Variants in TECRL observed in about 807,000 individuals in gnomAD.
TECRL encodes the protein trans-2,3-enoyl-CoA reductase-like.
In TECRL, 63 loss-of-function variants were observed where a neutral mutation model predicts 52.8. The observed-to-expected ratio is 1.19, with a 90% CI of 0.97 to 1.47. The LOEUF is 1.47. Among genes scored for constraint, TECRL ranks in the 40% most tolerant of loss-of-function variants. TECRL has a pLI of 0.00. For missense variants in TECRL, 482 were observed against 429.6 expected, an observed-to-expected ratio of 1.12 and a Z score of -1.08; for synonymous variants, 164 against 141.9, an observed-to-expected ratio of 1.16 and a Z score of -1.10.
At chr4:64,354,866 T>A (rs1401442920) in intron 2 of TECRL, among the ~76,000 whole-genome samples, 2 of 152,192 alleles carry the variant, frequency 1.3e-5, no homozygotes, top group Non-Finnish European at 2.9e-5. Flanking sequence ...CAACTGGCTT[T>A]GTTCAGAGTT....
intron 1 of TECRL, among the ~76,000 whole-genome samples, chr4:64,385,251 C>T (rs149766818): frequency 6.3e-4 from 96 of 152,222 alleles, no homozygotes; most frequent in African/African-American, 2.2e-3. Context: ...GCATGTTTGG[C>T]CACTTGTGGA....
intron 6 of TECRL, among the ~76,000 whole-genome samples, chr4:64,306,683 C>T (rs1724358710): frequency 6.6e-6 from 1 of 152,112 alleles, no homozygotes; most frequent in Non-Finnish European, 1.5e-5. Context: ...TCAAGGAGAC[C>T]CACTGGCACT....
chr4:64,326,689 C>T (rs1270047257), intron 3 of TECRL, among the ~76,000 whole-genome samples: 1 of 152,134 alleles, frequency 6.6e-6, no homozygotes, highest in East Asian at 1.9e-4. Context: ...CAGCAGCTCA[C>T]TGCAGCTGCA....
chr4:64,278,461 C>G lies in TECRL; in HGVS notation c.*1611G>C. 4.0e-6 allele frequency: 1 copy of G among 247,630 alleles called. No homozygotes were observed. Among genetic ancestry groups the G allele is most frequent in the Non-Finnish European group, 6.4e-6 (1 of 155,844 alleles). The allele number at this position is 247,630 out of a possible 1,614,324, so 15.3% of individuals were successfully genotyped here. ...AAATATTTACTTTAAAAATCAGATA[C>G]TTTTTAAATTAAATTTTATTTTTTG... On this transcript the variant is annotated 3_prime_UTR_variant, in exon 12 of 12. Transcript: ENST00000381210.
intron 2 of TECRL, among the ~76,000 whole-genome samples, chr4:64,343,625 C>T (rs1719738900): frequency 6.6e-6 from 1 of 151,876 alleles, no homozygotes; most frequent in Non-Finnish European, 1.5e-5. Context: ...ACATTCTTTC[C>T]AGGCAAATTT....
rs780132079 is a variant in TECRL, at chr4:64,322,727, A to G, written c.397T>C (p.Tyr133His). Reference sequence around the variant, plus strand: ...ACTTGTTGACCTAGGTCTGTAGCATACAGTGTGACAATGGAGGAAGCTGCA... The same window carrying G: ...ACTTGTTGACCTAGGTCTGTAGCATGCAGTGTGACAATGGAGGAAGCTGCA... ...SIAASSIVTL[Y>H]ATDLGQQVSW... Residue 133 changes from tyrosine to histidine, a missense_variant, in exon 4 of 12, where the codon TAT becomes CAT. Physicochemically the swap from Tyr to His is moderately conservative, Grantham distance 83. Coordinates refer to ENST00000381210, the MANE Select transcript of TECRL (RefSeq NM_001010874.5). 1.9e-6 allele frequency: 3 copies of G among 1,612,490 alleles called. No individual in the cohort carries two copies. The highest frequency in any genetic ancestry group is 1.1e-5 in the South Asian group (1 of 90,892).
intron 1 of TECRL, among the ~76,000 whole-genome samples, chr4:64,406,548 A>AT (rs1724741155): frequency 1.3e-5 from 2 of 151,942 alleles, no homozygotes. Flanking sequence ...AATAATAATA[A>AT]TTTTGTCCAT....
chr4:64,315,180 C>A (rs969216666), intron 4 of TECRL, among the ~76,000 whole-genome samples: 4 of 151,824 alleles, frequency 2.6e-5, no homozygotes, highest in Non-Finnish European at 4.4e-5. Flanking sequence ...TCTTCCCTAC[C>A]CTACCCTCCA....
chr4:64,395,425 T>C (rs1446929757), intron 1 of TECRL, among the ~76,000 whole-genome samples: 2 of 152,100 alleles, frequency 1.3e-5, no homozygotes, highest in African/African-American at 4.8e-5. Context: ...CACAAAACTT[T>C]AGTGAAAAGG....
downstream of TECRL, chr4:64,276,920 G>T: frequency 1.5e-6 from 1 of 654,806 alleles, no homozygotes; most frequent in Admixed American, 2.9e-5. Context: ...ACCTGTAAAT[G>T]AAGGTTAGGT....
chr4:64,365,838 C>T (rs1721563625), intron 2 of TECRL, among the ~76,000 whole-genome samples: 2 of 151,976 alleles, frequency 1.3e-5, no homozygotes, highest in African/African-American at 2.4e-5. Flanking sequence ...TTATTCATGT[C>T]AAACTACCAA....
At chr4:64,294,387 TA>T (rs1227133381) in intron 8 of TECRL, among the ~76,000 whole-genome samples, 1 of 152,186 alleles carries the variant, frequency 6.6e-6, no homozygotes, top group East Asian at 1.9e-4. Context: ...TTCCTAACAC[TA>T]ACGCTTTTCA....
intron 2 of TECRL, among the ~76,000 whole-genome samples, chr4:64,329,638 A>C: frequency 6.6e-6 from 1 of 151,956 alleles, no homozygotes; most frequent in East Asian, 1.9e-4. Flanking sequence ...TAAAACTAGT[A>C]AATCAAAACA....
At chr4:64,281,406 A>G (rs559727774) in intron 10 of TECRL, 68 bp downstream of exon 10, 1 of 923,826 alleles carries the variant, frequency 1.1e-6, no homozygotes, top group African/African-American at 1.7e-5. Context: ...ATACATGTAA[A>G]TACATAAGCA....
At chr4:64,283,500 G>T (rs1418257646) in intron 9 of TECRL, among the ~76,000 whole-genome samples, 1 of 152,038 alleles carries the variant, frequency 6.6e-6, no homozygotes, top group Non-Finnish European at 1.5e-5. Flanking sequence ...CTGGTATATT[G>T]TTATGTTATA....
At chr4:64,390,562 T>G (rs1560552532) in intron 1 of TECRL, among the ~76,000 whole-genome samples, 2 of 151,878 alleles carry the variant, frequency 1.3e-5, no homozygotes, top group Non-Finnish European at 1.5e-5. Flanking sequence ...AAGCTACAGT[T>G]CATCCACATT....
chr4:64,340,770 G>C (rs1186060622), intron 2 of TECRL, among the ~76,000 whole-genome samples: 1 of 152,214 alleles, frequency 6.6e-6, no homozygotes, highest in Non-Finnish European at 1.5e-5. Context: ...TGGGGACCCA[G>C]CTGCCAGTCT....
intron 11 of TECRL, 54 bp from the exon 12 acceptor site, chr4:64,280,253 T>G: frequency 4.0e-6 from 5 of 1,254,220 alleles, no homozygotes. Context: ...TGAAATGTTA[T>G]ATTAGGAAAA....
At chr4:64,389,349 A>G (rs946102558) in intron 1 of TECRL, among the ~76,000 whole-genome samples, 3 of 151,734 alleles carry the variant, frequency 2.0e-5, no homozygotes, top group African/African-American at 7.3e-5. Context: ...TTGTCAAATG[A>G]TTTCTCTGTA....
Sources: allele counts gnomAD v4.1 joint callset (sites outside exome capture counted in the v4.1 genomes callset), GRCh38; gene constraint gnomAD v4.1.1; transcripts MANE v1.5; gene names NCBI Gene and HGNC (gene_info 2026-07-23, HGNC 2026-07-21).